Variants in MUSK observed in about 807,000 individuals in gnomAD.
MUSK encodes muscle associated receptor tyrosine kinase.
In MUSK, 55 loss-of-function variants were observed where a neutral mutation model predicts 88.7. The observed-to-expected ratio is 0.62, with a 90% CI of 0.50 to 0.78. The LOEUF (loss-of-function observed/expected upper bound fraction) is 0.78. MUSK is among the 30% of genes least tolerant of loss of function. The pLI is 0.00. For missense variants in MUSK, 1,015 were observed against 1,074.3 expected, an observed-to-expected ratio of 0.94 and a Z score of 0.77; for synonymous variants, 387 against 391.9, an observed-to-expected ratio of 0.99 and a Z score of 0.15.
intron 7 of MUSK, among the ~76,000 whole-genome samples, chr9:110,758,884 C>T (rs1040635870): frequency 1.3e-5 from 2 of 152,162 alleles, no homozygotes; most frequent in African/African-American, 4.8e-5. Context: ...ATAAGAATTA[C>T]AAAACACTGC....
intron 1 of MUSK, among the ~76,000 whole-genome samples, chr9:110,675,679 C>A (rs1334850487): frequency 6.8e-6 from 1 of 146,258 alleles, no homozygotes; most frequent in Non-Finnish European, 1.5e-5. Flanking sequence ...AAGTGATTCT[C>A]CTGCCTCAGC....
chr9:110,713,500 T>A (rs2076703208), intron 5 of MUSK, among the ~76,000 whole-genome samples: 1 of 152,118 alleles, frequency 6.6e-6, no homozygotes, highest in South Asian at 2.1e-4. Flanking sequence ...CCTCAAGTGA[T>A]CCACCTGCCT....
chr9:110,742,836 C>G (rs2077121844), intron 6 of MUSK, among the ~76,000 whole-genome samples: 1 of 152,182 alleles, frequency 6.6e-6, no homozygotes, highest in South Asian at 2.1e-4. Context: ...AGAGTGTGTG[C>G]TGCTCTTAGA....
At chr9:110,747,248 G>C (rs1489411126) in intron 6 of MUSK, among the ~76,000 whole-genome samples, 2 of 152,212 alleles carry the variant, frequency 1.3e-5, no homozygotes, top group African/African-American at 4.8e-5. Context: ...GATGGTTGTT[G>C]TTGGTTCCCA....
intron 6 of MUSK, among the ~76,000 whole-genome samples, chr9:110,737,922 G>T (rs183828615): frequency 3.9e-5 from 6 of 152,052 alleles, no homozygotes; most frequent in Admixed American, 3.9e-4. Context: ...AATCTCATTC[G>T]CAATCTCTAT....
chr9:110,676,678 CT>C (rs1163882007), intron 1 of MUSK, among the ~76,000 whole-genome samples: 8 of 152,036 alleles, frequency 5.3e-5, no homozygotes, highest in Non-Finnish European at 1.2e-4. Context: ...CATTAGTTTG[CT>C]GAAGAGAATG....
At chr9:110,724,521 C>A (rs563643169) in intron 5 of MUSK, among the ~76,000 whole-genome samples, 1 of 152,106 alleles carries the variant, frequency 6.6e-6, no homozygotes, top group African/African-American at 2.4e-5. Flanking sequence ...GTTCTGACTA[C>A]GATACTATGA....
intron 1 of MUSK, 87 bp from the exon 2 acceptor site, chr9:110,682,585 TCA>T: frequency 7.9e-7 from 1 of 1,271,316 alleles, no homozygotes; most frequent in Non-Finnish European, 1.1e-6. Flanking sequence ...GAATTCTCAT[TCA>T]GGTATGTAAT....
intron 7 of MUSK, chr9:110,748,066 T>C: frequency 1.7e-6 from 1 of 598,518 alleles, no homozygotes; most frequent in Non-Finnish European, 3.1e-6. Context: ...CCTTCTTGTT[T>C]TTCTTATCTT....
intron 1 of MUSK, among the ~76,000 whole-genome samples, chr9:110,676,516 A>G (rs1287430222): frequency 6.6e-6 from 1 of 151,838 alleles, no homozygotes; most frequent in Non-Finnish European, 1.5e-5. Context: ...TGGGCTCAGC[A>G]TGTATTAGCT....
intron 7 of MUSK, among the ~76,000 whole-genome samples, chr9:110,760,140 G>A (rs2077377043): frequency 6.6e-6 from 1 of 152,164 alleles, no homozygotes; most frequent in African/African-American, 2.4e-5. Context: ...AACCACTGTG[G>A]AAAGCAGTGT....
chr9:110,779,058 CTGTGTGTGTG>C (rs10680441), intron 11 of MUSK, among the ~76,000 whole-genome samples: 1 of 149,616 alleles, frequency 6.7e-6, no homozygotes, highest in Non-Finnish European at 1.5e-5. Flanking sequence ...GTCAGTGTCT[CTGTGTGTGTG>C]TGTGTGTGTG....
intron 3 of MUSK, among the ~76,000 whole-genome samples, chr9:110,689,751 T>TTTTTA (rs2076280611): frequency 1.4e-5 from 1 of 69,730 alleles, no homozygotes; most frequent in African/African-American, 6.6e-5. Flanking sequence ...TATTATATAT[T>TTTTTA]ATATATAAAC....
intron 3 of MUSK, among the ~76,000 whole-genome samples, chr9:110,694,211 A>G (rs1311514690): frequency 7.3e-6 from 1 of 136,242 alleles, no homozygotes; most frequent in Non-Finnish European, 1.6e-5. Flanking sequence ...CTCCACTAAA[A>G]ATACAAAAAA....
chr9:110,689,268 T>C (rs1281762493), intron 3 of MUSK, among the ~76,000 whole-genome samples: 1 of 119,004 alleles, frequency 8.4e-6, no homozygotes, highest in African/African-American at 3.4e-5. Flanking sequence ...ATATATTGTA[T>C]AGTTATATTT....
At chr9:110,713,582 C>T (rs780049618) in intron 5 of MUSK, among the ~76,000 whole-genome samples, 14 of 152,088 alleles carry the variant, frequency 9.2e-5, no homozygotes, top group East Asian at 5.8e-4. Flanking sequence ...TAATTTTAAA[C>T]GGGTAGATAC....
intron 5 of MUSK, among the ~76,000 whole-genome samples, chr9:110,699,182 C>G (rs2076470586): frequency 6.6e-6 from 1 of 152,116 alleles, no homozygotes; most frequent in Non-Finnish European, 1.5e-5. Context: ...CTGTCAGTAA[C>G]ATTGAATACT....
intron 1 of MUSK, among the ~76,000 whole-genome samples, chr9:110,676,304 T>C (rs533229123): frequency 7.7e-6 from 1 of 129,626 alleles, no homozygotes; most frequent in East Asian, 2.0e-4. Flanking sequence ...TGTGTGTATA[T>C]GTAAGTGTAT....
At chr9:110,689,244 TA>T (rs1311490593) in intron 3 of MUSK, among the ~76,000 whole-genome samples, 2 of 116,918 alleles carry the variant, frequency 1.7e-5, no homozygotes, top group South Asian at 2.5e-4. Context: ...TATAAATATA[TA>T]AACTATATAT....
Sources: allele counts gnomAD v4.1 joint callset (sites outside exome capture counted in the v4.1 genomes callset), GRCh38; gene constraint gnomAD v4.1.1; transcripts MANE v1.5; gene names NCBI Gene and HGNC (gene_info 2026-07-23, HGNC 2026-07-21).